Variants in CFAP47 observed in about 807,000 individuals in gnomAD.
The protein encoded by CFAP47 is cilia- and flagella-associated protein 47.
In CFAP47, 29 loss-of-function variants were observed where a neutral mutation model predicts 148.1. The observed-to-expected ratio is 0.20, with a 90% CI of 0.15 to 0.27. CFAP47 has a LOEUF of 0.27. Ranked by LOEUF, CFAP47 falls within the 10% of genes least tolerant of loss-of-function variation. CFAP47 has a pLI of 1.00. For synonymous variants in CFAP47, 664 were observed against 577.3 expected (o/e 1.15, Z -2.15); for missense variants, 1,872 against 1,697.5 (o/e 1.10, Z -1.81).
At chrX:35,958,437 T>A (rs1747843071) in intron 8 of CFAP47, among the ~76,000 whole-genome samples, 1 of 111,711 alleles carries the variant, frequency 9.0e-6, no homozygotes, top group Non-Finnish European at 1.9e-5. Context: ...ATGTTTAACT[T>A]TTTAAGAAAC....
chrX:36,034,299 AT>A (rs1381831615), intron 23 of CFAP47, among the ~76,000 whole-genome samples: 1 of 111,116 alleles, frequency 9.0e-6, no homozygotes, highest in Non-Finnish European at 1.9e-5. Flanking sequence ...AGGTGAAATA[AT>A]TTTTTTATCA....
chrX:36,167,012 A>C (rs1939499211), intron 39 of CFAP47, among the ~76,000 whole-genome samples: 1 of 111,503 alleles, frequency 9.0e-6, no homozygotes, highest in Admixed American at 9.5e-5. Flanking sequence ...AATTCAGTCA[A>C]CTTCAGACCT....
chrX:36,294,155 C>A (rs1941218688), intron 51 of CFAP47, among the ~76,000 whole-genome samples: 1 of 111,044 alleles, frequency 9.0e-6, no homozygotes, highest in Non-Finnish European at 1.9e-5. Flanking sequence ...TCAGGTAGCA[C>A]CAATTAAGTA....
At position 36,200,550 on chromosome X, in the gene CFAP47, A is replaced by G. The variant is rs191374323; in HGVS notation, c.6436+57A>G. The G allele has an allele frequency of 3.9e-3, 1,120 of 289,622 alleles. 27 individuals are homozygous for G. The East Asian group carries it at 0.049, about 13-fold the overall frequency. The allele number at this position is 289,622 out of a possible 1,213,427, so 23.9% of individuals were successfully genotyped here. A position where few individuals can be genotyped will look rare whatever the true frequency, so the allele number is the denominator to read the frequency against. ...AATGTTGAAGAATGGACTTTTCCTCATATAGTTACCTAAGCATACTCATAG... is the reference window on the plus strand; with the variant it reads ...AATGTTGAAGAATGGACTTTTCCTCGTATAGTTACCTAAGCATACTCATAG... On this transcript the variant is annotated intron_variant, in intron 43 of 63. Transcript: ENST00000378653.
At position 36,073,330 on chromosome X, in the gene CFAP47, C is replaced by T; in HGVS notation, c.4657C>T (p.Pro1553Ser). ...WFSLFGWPEG[P>S]HSFSIPETIR... ...CAGTCTCTTTGGCTGGCCTGAAGGA[C>T]CCCATTCTTTTTCTATTCCAGAGAC... The change falls in exon 29 of 64, where the codon CCC (proline) becomes TCC (serine). Residue 1553 changes from proline to serine, a missense_variant. By Grantham distance (74) the Pro-to-Ser change is moderately conservative. Transcript: ENST00000378653. 1 of 1,207,274 alleles carries T rather than the reference C, an allele frequency of 8.3e-7. No homozygotes were observed. Among genetic ancestry groups the T allele is most frequent in the Non-Finnish European group, 1.1e-6 (1 of 891,996 alleles).
chrX:36,302,598 T>C (rs1338242652), intron 53 of CFAP47, among the ~76,000 whole-genome samples: 1 of 112,123 alleles, frequency 8.9e-6, no homozygotes, highest in African/African-American at 3.2e-5. Context: ...GATAAAATTA[T>C]GTTATTATGT....
intron 42 of CFAP47, among the ~76,000 whole-genome samples, chrX:36,193,433 A>C (rs1939886236): frequency 9.0e-6 from 1 of 111,303 alleles, no homozygotes; most frequent in Non-Finnish European, 1.9e-5. Flanking sequence ...TTTATTTTTC[A>C]TGATTTATAA....
chrX:36,018,152 T>C (rs1351096863), intron 22 of CFAP47, among the ~76,000 whole-genome samples: 1 of 111,985 alleles, frequency 8.9e-6, no homozygotes, highest in East Asian at 2.8e-4. Context: ...ACTTTTAAAA[T>C]TGCTTTTTCA....
intron 1 of CFAP47, among the ~76,000 whole-genome samples, chrX:35,920,305 G>T (rs140891998): frequency 0.015 from 1,698 of 111,589 alleles, 32 homozygotes; most frequent in African/African-American, 0.051. Flanking sequence ...TTCAACCTGG[G>T]TTTAGAAACT....
chrX:36,069,338 G>A (rs995236125), intron 27 of CFAP47, among the ~76,000 whole-genome samples: 2 of 110,864 alleles, frequency 1.8e-5, no homozygotes, highest in Non-Finnish European at 3.8e-5. Context: ...GGTTGTGATT[G>A]CTTTATCATT....
intron 45 of CFAP47, among the ~76,000 whole-genome samples, chrX:36,223,896 C>T (rs1450413175): frequency 9.0e-6 from 1 of 111,351 alleles, no homozygotes; most frequent in African/African-American, 3.3e-5. Context: ...TTTGGAGGGA[C>T]GTGTGGGTTG....
chrX:36,384,244 G>A (rs1556024706), intron 63 of CFAP47, among the ~76,000 whole-genome samples: 1 of 111,280 alleles, frequency 9.0e-6, no homozygotes, highest in African/African-American at 3.3e-5. Flanking sequence ...GGGAGGCTGA[G>A]ACACAAGAAT....
intron 6 of CFAP47, among the ~76,000 whole-genome samples, chrX:35,952,944 G>A (rs1404684054): frequency 1.8e-5 from 2 of 112,160 alleles, no homozygotes; most frequent in Non-Finnish European, 3.8e-5. Context: ...TTACATGTCA[G>A]TATTTTGTAA....
intron 3 of CFAP47, among the ~76,000 whole-genome samples, chrX:35,946,162 C>T (rs1042649424): frequency 2.7e-5 from 3 of 111,058 alleles, no homozygotes; most frequent in Middle Eastern, 9.2e-3. Flanking sequence ...CATGAGCCAC[C>T]GCACCTGGCC....
intron 24 of CFAP47, among the ~76,000 whole-genome samples, chrX:36,037,503 G>C (rs1601942398): frequency 9.0e-6 from 1 of 110,742 alleles, no homozygotes; most frequent in Non-Finnish European, 1.9e-5. Context: ...GCTGGGACTA[G>C]AGGCGCACTC....
chrX:35,997,295 TA>T lies in CFAP47; in HGVS notation c.3100-16del. On this transcript the variant is annotated splice_polypyrimidine_tract_variant and intron_variant, in intron 18 of 63. Transcript: ENST00000378653. ...TTTAATGTGGTTTCTACAAAGTTTT[TA>T]TTTCTCCTAAATAAGGTTTCTATTC... The T allele has an allele frequency of 3.4e-6, 1 of 294,153 alleles. No homozygotes were observed. Among genetic ancestry groups the T allele is most frequent in the East Asian group, 4.8e-5 (1 of 20,783 alleles). 24.2% of individuals were successfully genotyped at this position (294,153 alleles called of 1,213,427 possible).
chrX:36,313,598 GT>G (rs1941411309), intron 56 of CFAP47, among the ~76,000 whole-genome samples: 2 of 111,095 alleles, frequency 1.8e-5, no homozygotes. Flanking sequence ...CATGATAGGA[GT>G]AGGCAATCTC....
intron 58 of CFAP47, 114 bp from the exon 59 acceptor site, chrX:36,349,923 CA>C (rs1473918023): frequency 2.5e-6 from 1 of 402,701 alleles, no homozygotes; most frequent in Admixed American, 4.8e-5. Flanking sequence ...TGCTCTCTAC[CA>C]AAGTCTGAAT....
intron 57 of CFAP47, among the ~76,000 whole-genome samples, chrX:36,327,250 G>A (rs1556013234): frequency 9.0e-6 from 1 of 111,264 alleles, no homozygotes; most frequent in Non-Finnish European, 1.9e-5. Context: ...AATCTATAAG[G>A]AACTTCAACA....
Sources: allele counts gnomAD v4.1 joint callset (sites outside exome capture counted in the v4.1 genomes callset), GRCh38; gene constraint gnomAD v4.1.1; transcripts MANE v1.5; gene names NCBI Gene and HGNC (gene_info 2026-07-23, HGNC 2026-07-21).